LRBA: variants seen among roughly 807,000 people sequenced by gnomAD.
LRBA encodes the protein LPS responsive beige-like anchor protein.
Under a neutral mutation model 330.0 loss-of-function variants are expected in LRBA, and 176 were observed. The ratio of observed to expected loss-of-function variants is 0.53; its 90% CI spans 0.47 to 0.60. The LOEUF is 0.60. Ranked by LOEUF, LRBA falls within the 20% of genes least tolerant of loss-of-function variation. The probability of loss-of-function intolerance (pLI) is 0.00; values close to 1 mark genes in which losing one functional copy is unlikely to be tolerated. For missense variants in LRBA, 3,259 were observed against 3,444.8 expected (o/e 0.95, Z 1.35); for synonymous variants, 1,230 against 1,193.0 (o/e 1.03, Z -0.64).
chr4:150,367,802 T>A (rs1739671487), intron 47 of LRBA, among the ~76,000 whole-genome samples: 1 of 152,192 alleles, frequency 6.6e-6, no homozygotes, highest in Non-Finnish European at 1.5e-5. Flanking sequence ...GGGATAAATG[T>A]CTATCCGAAT....
chr4:150,906,276 AT>A lies in LRBA; in HGVS notation c.1602+20del, dbSNP rs1380695112. 2 of 1,426,012 alleles carry A rather than the reference AT, an allele frequency of 1.4e-6. No homozygotes were observed. The highest frequency in any genetic ancestry group is 2.8e-5 in the African/African-American group (2 of 70,756). The allele number at this position is 1,426,012 out of a possible 1,614,324, so 88.3% of individuals were successfully genotyped here. ...GGCCTGTAAATTAAGAATCAAAAAC[AT>A]AAAATATTTCATACTTTACCTTTTC... On this transcript the variant is annotated intron_variant, in intron 12 of 56. Transcript: ENST00000651943.
chr4:150,916,472 T>A lies in LRBA; in HGVS notation c.823A>T (p.Ile275Phe). 6.2e-7 allele frequency: 1 copy of A among 1,613,790 alleles called. No individual in the cohort carries two copies. Among genetic ancestry groups the A allele is most frequent in the South Asian group, 1.1e-5 (1 of 91,068 alleles). Residue 275 changes from isoleucine (I) to phenylalanine (F), a missense_variant, in exon 7 of 57, where the codon ATT becomes TTT. By Grantham distance (21) the Ile-to-Phe change is conservative. Coordinates refer to ENST00000651943, the MANE Select transcript of LRBA (RefSeq NM_001364905.1). ...CCTTTTGACTTTATTGATGTTACAA[T>A]CAAACAGCCTCCAACAAAATGAGCA... ...YSAHFVGGCL[I>F]VTSIKSKGKG...
intron 37 of LRBA, among the ~76,000 whole-genome samples, chr4:150,655,263 T>C (rs1251917379): frequency 6.6e-6 from 1 of 152,248 alleles, no homozygotes; most frequent in Admixed American, 6.5e-5. Context: ...TTATTACATA[T>C]ATCCTTTTCT....
Position 150,664,345 on chromosome 4 carries a change from T to C in LRBA, c.5921+19206A>G, listed in dbSNP as rs1331382769. 4.6e-5 allele frequency among the ~76,000 whole-genome samples: 7 copies of C among 152,182 alleles called. 1 individual carries two copies. The highest frequency in any genetic ancestry group is 4.6e-4 in the Admixed American group (7 of 15,278). ...GAATAGACCCTTGAGTTTTCTCTTT[T>C]CAATGAATACCTAATTATGGCTTGA... On this transcript the variant is annotated intron_variant, in intron 37 of 56. Transcript: ENST00000651943.
intron 37 of LRBA, among the ~76,000 whole-genome samples, chr4:150,668,161 C>A (rs774107655): frequency 5.3e-5 from 8 of 152,190 alleles, no homozygotes; most frequent in African/African-American, 1.7e-4. Flanking sequence ...AAAGGCAGTA[C>A]ACTAAGCAAT....
chr4:150,876,807 T>C lies in LRBA; in HGVS notation c.2166-4052A>G, dbSNP rs150335162. On this transcript the variant is annotated intron_variant, in intron 17 of 56. Coordinates refer to ENST00000651943, the MANE Select transcript of LRBA (RefSeq NM_001364905.1). ...TATAAAACAACCACACAAAAGAAAT[T>C]ACAAAGCAACCAGCTAACAACTTCA... is the stretch of plus-strand genomic sequence containing the variant. Among the ~76,000 whole-genome samples, 236 of 152,098 alleles carry C rather than the reference T, an allele frequency of 1.6e-3. 1 individual carries two copies. The highest frequency in any genetic ancestry group is 5.4e-3 in the African/African-American group (225 of 41,494).
At chr4:150,328,810 A>C (rs959632771) in intron 48 of LRBA, among the ~76,000 whole-genome samples, 2 of 152,310 alleles carry the variant, frequency 1.3e-5, no homozygotes, top group East Asian at 1.9e-4. Flanking sequence ...TTTTGAAGAG[A>C]GAATGGGCAG....
intron 2 of LRBA, among the ~76,000 whole-genome samples, chr4:150,975,918 T>C (rs544165032): frequency 6.6e-6 from 1 of 152,042 alleles, no homozygotes; most frequent in East Asian, 1.9e-4. Flanking sequence ...TCCCAACACT[T>C]TGGGAGGCCA....
At chr4:150,337,285 C>T (rs570075809) in intron 48 of LRBA, among the ~76,000 whole-genome samples, 22 of 152,128 alleles carry the variant, frequency 1.4e-4, no homozygotes, top group African/African-American at 2.7e-4. Context: ...TATAATAGAA[C>T]GGCTCAGAAT....
chr4:150,870,484 T>C (rs1322503084), intron 20 of LRBA, 41 bp downstream of exon 20: 1 of 1,028,526 alleles, frequency 9.7e-7, no homozygotes, highest in African/African-American at 1.6e-5. Flanking sequence ...TCTTTTTAAG[T>C]AGCAAAAGGT....
chr4:150,663,144 A>T (rs867642315), intron 37 of LRBA, among the ~76,000 whole-genome samples: 14 of 152,350 alleles, frequency 9.2e-5, no homozygotes, highest in Middle Eastern at 3.4e-3. Context: ...TCAGACCTTG[A>T]TATAAAATTT....
At chr4:150,312,948 GTAAA>G (rs1209151873) in intron 51 of LRBA, among the ~76,000 whole-genome samples, 1 of 151,646 alleles carries the variant, frequency 6.6e-6, no homozygotes, top group African/African-American at 2.4e-5. Flanking sequence ...TTCATTTTAT[GTAAA>G]TAAACATTTA....
At chr4:150,826,055 A>G (rs951808828) in intron 30 of LRBA, among the ~76,000 whole-genome samples, 8 of 152,214 alleles carry the variant, frequency 5.3e-5, no homozygotes, top group African/African-American at 1.9e-4. Context: ...TGCAGCTTTT[A>G]TGTGGGTACA....
At chr4:150,758,426 C>T (rs967338952) in intron 35 of LRBA, among the ~76,000 whole-genome samples, 1 of 152,122 alleles carries the variant, frequency 6.6e-6, no homozygotes, top group African/African-American at 2.4e-5. Context: ...CACATCCAAG[C>T]CATTAGAATA....
At chr4:150,613,448 C>G (rs1247234302) in intron 37 of LRBA, among the ~76,000 whole-genome samples, 2 of 152,104 alleles carry the variant, frequency 1.3e-5, no homozygotes, top group Admixed American at 1.3e-4. Flanking sequence ...ACAGCATTAG[C>G]AAAGCCAAAC....
At chr4:150,990,972 G>A (rs1217992324) in intron 2 of LRBA, among the ~76,000 whole-genome samples, 1 of 150,748 alleles carries the variant, frequency 6.6e-6, no homozygotes, top group Non-Finnish European at 1.5e-5. Flanking sequence ...GGGAGGCGCT[G>A]AACCTCGGAC....
intron 2 of LRBA, among the ~76,000 whole-genome samples, chr4:150,952,158 T>G (rs1291592798): frequency 1.3e-5 from 2 of 152,136 alleles, no homozygotes; most frequent in South Asian, 2.1e-4. Context: ...GCAGTACTGG[T>G]CTCACTGAGA....
rs936807464 is a variant in LRBA at position 150,533,906 on chromosome 4, GAATGTGCCATAA to G, written c.6331-42883_6331-42872del. On this transcript the variant is annotated intron_variant, in intron 40 of 56. Transcript: ENST00000651943. The stretch of plus-strand genomic sequence containing the variant: ...TTCCACCACCTTCTGTTTTATGGCA[GAATGTGCCATAA>G]AACAACCCTACGGCCATCCCATTTG... Among the ~76,000 whole-genome samples the G allele has an allele frequency of 5.0e-4, 76 of 152,210 alleles. 1 individual carries two copies. The highest frequency in any genetic ancestry group is 4.1e-4 in the Non-Finnish European group (28 of 68,012).
intron 40 of LRBA, among the ~76,000 whole-genome samples, chr4:150,519,244 T>G (rs1050872068): frequency 6.6e-6 from 1 of 152,112 alleles, no homozygotes; most frequent in Non-Finnish European, 1.5e-5. Context: ...AAATACTTGG[T>G]AAAATACAAA....
Sources: gnomAD v4.1 joint callset for allele counts (sites outside exome capture counted in the v4.1 genomes callset) on GRCh38, gnomAD v4.1.1 for gene constraint, MANE v1.5 for transcripts, NCBI Gene and HGNC (gene_info 2026-07-23, HGNC 2026-07-21) for gene names.